The following CADM2 variants were observed in gnomAD, a reference collection of about 807,000 sequenced individuals.
CADM2 encodes immunoglobulin superfamily member 4D.
Under a neutral mutation model 49.8 loss-of-function variants are expected in CADM2, and 12 were observed. The observed-to-expected ratio is 0.24, with a 90% CI of 0.15 to 0.39. The LOEUF (loss-of-function observed/expected upper bound fraction) is 0.39, where lower values mean the gene tolerates loss of function less well. Among genes scored for constraint, CADM2 ranks in the 10% least tolerant of loss-of-function variants. The pLI is 1.00. For synonymous variants in CADM2, 214 were observed against 175.4 expected, an observed-to-expected ratio of 1.22 and a Z score of -1.74; for missense variants, 378 against 492.3, an observed-to-expected ratio of 0.77 and a Z score of 2.20.
At chr3:85,680,447 C>T (rs2066009137) in intron 1 of CADM2, among the ~76,000 whole-genome samples, 1 of 151,980 alleles carries the variant, frequency 6.6e-6, no homozygotes, top group Admixed American at 6.6e-5. Context: ...CCATATAATC[C>T]GTCTCCAGTT....
intron 7 of CADM2, among the ~76,000 whole-genome samples, chr3:85,947,881 G>A (rs2108577015): frequency 6.6e-6 from 1 of 151,514 alleles, no homozygotes; most frequent in South Asian, 2.1e-4. Context: ...GATCCATAGA[G>A]GAAATGTACT....
Position 85,294,989 on chromosome 3 carries a change from C to G in CADM2, c.61+335321C>G, listed in dbSNP as rs1448745905. Reference sequence around the variant, plus strand: ...TCTGCACAGCAAAAGAAACTACCATCAGAGTGAACAGGCAACCTACAAAAT... The same window carrying G: ...TCTGCACAGCAAAAGAAACTACCATGAGAGTGAACAGGCAACCTACAAAAT... On this transcript the variant is annotated intron_variant, in intron 1 of 9. Transcript: ENST00000383699. Among the ~76,000 whole-genome samples, 4 of 152,024 alleles carry G rather than the reference C, an allele frequency of 2.6e-5. No homozygotes were observed. The South Asian group carries it at 8.3e-4, about 31-fold the overall frequency.
intron 1 of CADM2, among the ~76,000 whole-genome samples, chr3:85,409,713 A>G (rs2035569355): frequency 6.6e-6 from 1 of 152,088 alleles, no homozygotes; most frequent in Admixed American, 6.6e-5. Context: ...ATTAAAGATG[A>G]TAAAGTCACT....
intron 1 of CADM2, among the ~76,000 whole-genome samples, chr3:85,060,663 G>T (rs1156385922): frequency 2.6e-5 from 4 of 152,008 alleles, no homozygotes; most frequent in Non-Finnish European, 5.9e-5. Context: ...ACCAGTCTTT[G>T]AATATTACAT....
At chr3:85,278,579 C>A (rs1170652116) in intron 1 of CADM2, among the ~76,000 whole-genome samples, 2 of 151,274 alleles carry the variant, frequency 1.3e-5, no homozygotes, top group African/African-American at 4.8e-5. Context: ...TATTTTATTT[C>A]TCTTTAGAGT....
chr3:86,040,967 T>A (rs1236187747), intron 8 of CADM2, among the ~76,000 whole-genome samples: 1 of 152,148 alleles, frequency 6.6e-6, no homozygotes, highest in Non-Finnish European at 1.5e-5. Flanking sequence ...CAGAATTTCA[T>A]ATCCAGCCAA....
chr3:85,392,174 G>T (rs1274499528), intron 1 of CADM2, among the ~76,000 whole-genome samples: 1 of 152,076 alleles, frequency 6.6e-6, no homozygotes, highest in African/African-American at 2.4e-5. Flanking sequence ...CTTGAGAACA[G>T]TGAGTTAGAT....
intron 2 of CADM2, among the ~76,000 whole-genome samples, chr3:85,777,882 A>C (rs576139399): frequency 6.6e-6 from 1 of 152,318 alleles, no homozygotes; most frequent in Admixed American, 6.5e-5. Flanking sequence ...AGCAAACTCT[A>C]ATGTCAAAGT....
intron 1 of CADM2, among the ~76,000 whole-genome samples, chr3:85,613,846 G>C (rs894591265): frequency 1.3e-5 from 2 of 151,578 alleles, no homozygotes; most frequent in Admixed American, 6.6e-5. Flanking sequence ...TGACAGGCCA[G>C]GGTTCAAATG....
intron 1 of CADM2, among the ~76,000 whole-genome samples, chr3:85,171,635 T>G (rs2107685665): frequency 6.6e-6 from 1 of 152,328 alleles, no homozygotes; most frequent in African/African-American, 2.4e-5. Context: ...TAATTGTCTA[T>G]ATTTTGTTCT....
At chr3:85,280,799 T>A (rs879343736) in intron 1 of CADM2, among the ~76,000 whole-genome samples, 1 of 151,756 alleles carries the variant, frequency 6.6e-6, no homozygotes, top group Admixed American at 6.6e-5. Flanking sequence ...AACAGTAATT[T>A]TTAGTATAAA....
chr3:85,293,064 G>A lies in CADM2; in HGVS notation c.61+333396G>A, dbSNP rs538570660. On this transcript the variant is annotated intron_variant, in intron 1 of 9. Transcript: ENST00000383699. The stretch of plus-strand genomic sequence containing the variant: ...CTAGCAAGACTAAGAGAAAAAAAGA[G>A]AGAAGAATCAAATAGACATAATAAA... Among the ~76,000 whole-genome samples the A allele has an allele frequency of 3.8e-3, 581 of 152,262 alleles. 3 individuals carry two copies. The highest frequency in any genetic ancestry group is 6.4e-3 in the Non-Finnish European group (434 of 68,026).
At chr3:85,565,020 T>C (rs1420217123) in intron 1 of CADM2, among the ~76,000 whole-genome samples, 6 of 152,100 alleles carry the variant, frequency 3.9e-5, no homozygotes, top group Non-Finnish European at 8.8e-5. Flanking sequence ...TCTGGCCATT[T>C]TGAAAGTTGG....
At chr3:85,431,960 G>A (rs915942995) in intron 1 of CADM2, among the ~76,000 whole-genome samples, 3 of 141,914 alleles carry the variant, frequency 2.1e-5, no homozygotes, top group African/African-American at 7.7e-5. Context: ...ATTAGAGGAG[G>A]TGGAATCAGC....
chr3:85,515,526 G>C (rs539070900), intron 1 of CADM2, among the ~76,000 whole-genome samples: 1 of 148,364 alleles, frequency 6.7e-6, no homozygotes, highest in Non-Finnish European at 1.5e-5. Context: ...GGGTTCAAGC[G>C]ATTCTCCTGC....
intron 1 of CADM2, among the ~76,000 whole-genome samples, chr3:85,303,918 C>G (rs2107006633): frequency 6.6e-6 from 1 of 152,006 alleles, no homozygotes; most frequent in Admixed American, 6.6e-5. Context: ...TCAACAAACA[C>G]CTCCGAACAA....
intron 1 of CADM2, among the ~76,000 whole-genome samples, chr3:85,321,116 A>ATTTT (rs1157576505): frequency 3.6e-5 from 1 of 27,496 alleles, no homozygotes; most frequent in Non-Finnish European, 6.5e-5. Flanking sequence ...ATATATATAT[A>ATTTT]TTTTTTTTTT....
At chr3:85,492,577 G>A (rs977182771) in intron 1 of CADM2, among the ~76,000 whole-genome samples, 1 of 151,682 alleles carries the variant, frequency 6.6e-6, no homozygotes, top group Non-Finnish European at 1.5e-5. Context: ...GACAGAGCGG[G>A]ACTCCATTTA....
At chr3:85,031,989 C>CT in intron 1 of CADM2, among the ~76,000 whole-genome samples, 1 of 152,104 alleles carries the variant, frequency 6.6e-6, no homozygotes, top group Non-Finnish European at 1.5e-5. Context: ...TTGATACATA[C>CT]TGTATTTATC....
Sources: allele counts gnomAD v4.1 joint callset (sites outside exome capture counted in the v4.1 genomes callset), GRCh38; gene constraint gnomAD v4.1.1; transcripts MANE v1.5; gene names NCBI Gene and HGNC (gene_info 2026-07-23, HGNC 2026-07-21).